Variants in DCP1A observed in about 807,000 individuals in gnomAD.
DCP1A encodes decapping mRNA 1A.
In DCP1A, 20 loss-of-function variants were observed where a neutral mutation model predicts 58.0. That is an observed-to-expected ratio of 0.34 (90% CI 0.24 to 0.50). The LOEUF is 0.50. Among genes scored for constraint, DCP1A ranks in the 20% least tolerant of loss-of-function variants. DCP1A has a pLI of 0.98. For missense variants in DCP1A, 613 were observed against 712.2 expected (o/e 0.86, Z 1.59); for synonymous variants, 285 against 275.1 (o/e 1.04, Z -0.36).
intron 6 of DCP1A, among the ~76,000 whole-genome samples, chr3:53,300,791 G>A (rs1169775693): frequency 6.6e-6 from 1 of 151,840 alleles, no homozygotes; most frequent in East Asian, 1.9e-4. Context: ...GTGATTACAG[G>A]CGTGCACCAC....
intron 8 of DCP1A, 173 bp downstream of exon 8, chr3:53,290,618 T>C (rs1706822419): frequency 1.5e-6 from 1 of 674,790 alleles, no homozygotes; most frequent in Non-Finnish European, 2.6e-6. Context: ...AAATAATGTG[T>C]TCTTCAGAAA....
chr3:53,320,126 T>TAAA (rs879969801), intron 3 of DCP1A, among the ~76,000 whole-genome samples: 16 of 139,110 alleles, frequency 1.2e-4, no homozygotes, highest in African/African-American at 4.2e-4. Flanking sequence ...AGACTCCATC[T>TAAA]AAAAAAAAAA....
intron 6 of DCP1A, among the ~76,000 whole-genome samples, chr3:53,302,885 AG>A (rs1206882304): frequency 3.3e-5 from 5 of 151,904 alleles, no homozygotes; most frequent in Non-Finnish European, 7.4e-5. Context: ...GGCCTCCTGA[AG>A]TGCTGGGATT....
chr3:53,296,114 ACTT>A (rs1400731292), intron 6 of DCP1A, among the ~76,000 whole-genome samples: 1 of 151,932 alleles, frequency 6.6e-6, no homozygotes, highest in Non-Finnish European at 1.5e-5. Flanking sequence ...CTGGTCTCAA[ACTT>A]CTTCTGACCT....
chr3:53,347,352 G>T, intron 1 of DCP1A, 31 bp downstream of exon 1: 1 of 1,530,000 alleles, frequency 6.5e-7, no homozygotes. Flanking sequence ...CAGCGGCCGG[G>T]TGGCCGTCCT....
rs540623691 is a variant in DCP1A at position 53,285,356 on chromosome 3, G to GC, written c.*2223dup. 7.9e-5 allele frequency: 12 copies of GC among 152,376 alleles called. No individual in the cohort carries two copies. Among genetic ancestry groups the GC allele is most frequent in the Non-Finnish European group, 1.3e-4 (9 of 68,052 alleles). The allele number at this position is 152,376 out of a possible 1,614,324, so 9.4% of individuals were successfully genotyped here. A position where few individuals can be genotyped will look rare whatever the true frequency, so the allele number is the denominator to read the frequency against. Reference sequence around the variant, plus strand: ...ACTTTCGGGCCAGGGTCATCCAGCTGCAATTATCCAGGCTTGGCCTGGCTT... The same window carrying GC: ...ACTTTCGGGCCAGGGTCATCCAGCTGCCAATTATCCAGGCTTGGCCTGGCTT... On this transcript the variant is annotated 3_prime_UTR_variant, in exon 10 of 10. Coordinates refer to ENST00000610213, the MANE Select transcript of DCP1A (RefSeq NM_018403.7).
At position 53,292,435 on chromosome 3, in the gene DCP1A, G is replaced by A. The variant is rs375123165; in HGVS notation, c.1017C>T (p.Ser339=). Residue 339 remains serine (S), a synonymous_variant, in exon 7 of 10, where the codon AGC becomes AGT. Coordinates refer to ENST00000610213, the MANE Select transcript of DCP1A (RefSeq NM_018403.7). Reference sequence around the variant, plus strand: ...TGGTCTTCACTGCCTGCATCATGGTGCTGTTTCGAGGTAAGCTGGGGGGAA... The same window carrying A: ...TGGTCTTCACTGCCTGCATCATGGTACTGTTTCGAGGTAAGCTGGGGGGAA... ...AQVPPSLPRN[S]TMMQAVKTTP... is the part of the protein sequence containing the mutation. The A allele has an allele frequency of 1.5e-5, 25 of 1,613,882 alleles. No individual in the cohort carries two copies. Among genetic ancestry groups the A allele is most frequent in the Non-Finnish European group, 2.0e-5 (24 of 1,179,898 alleles).
intron 4 of DCP1A, 84 bp from the exon 5 acceptor site, chr3:53,312,463 A>T (rs1236176561): frequency 6.2e-6 from 7 of 1,122,862 alleles, no homozygotes; most frequent in Non-Finnish European, 7.4e-6. Context: ...TCTTCCAAGG[A>T]TACACTAAGA....
At chr3:53,331,387 T>C (rs1329277412) in intron 3 of DCP1A, among the ~76,000 whole-genome samples, 1 of 152,216 alleles carries the variant, frequency 6.6e-6, no homozygotes, top group Non-Finnish European at 1.5e-5. Context: ...CTAACAGTGG[T>C]CTCTTAAGAT....
chr3:53,286,319 T>C lies in DCP1A; in HGVS notation c.*1261A>G, dbSNP rs1706631778. The C allele has an allele frequency of 6.6e-6, 1 of 152,232 alleles. No individual in the cohort carries two copies. The highest frequency in any genetic ancestry group is 2.4e-5 in the African/African-American group (1 of 41,466). The allele number at this position is 152,232 out of a possible 1,614,324, so 9.4% of individuals were successfully genotyped here. A position where few individuals can be genotyped will look rare whatever the true frequency, so the allele number is the denominator to read the frequency against. ...AAGTAAGCAGTGCATCTTAATTGGT[T>C]AAATACTACAAAATGACCTGTATCA... is the stretch of plus-strand genomic sequence containing the variant. On this transcript the variant is annotated 3_prime_UTR_variant, in exon 10 of 10. Coordinates refer to ENST00000610213, the MANE Select transcript of DCP1A (RefSeq NM_018403.7).
chr3:53,347,234 A>G, intron 1 of DCP1A, 149 bp downstream of exon 1: 2 of 947,902 alleles, frequency 2.1e-6, no homozygotes, highest in Non-Finnish European at 1.4e-6. Context: ...GACACCCCTC[A>G]GGCTCTGGCT....
intron 5 of DCP1A, among the ~76,000 whole-genome samples, chr3:53,305,351 TTTTC>T (rs1476273655): frequency 2.0e-5 from 3 of 152,098 alleles, no homozygotes; most frequent in African/African-American, 7.2e-5. Flanking sequence ...AAAAATTTTT[TTTTC>T]TTTTTTTTTT....
At chr3:53,297,357 CT>C (rs1174431632) in intron 6 of DCP1A, among the ~76,000 whole-genome samples, 804 of 138,040 alleles carry the variant, frequency 5.8e-3, no homozygotes, top group Non-Finnish European at 5.6e-3. Context: ...AACACTAATT[CT>C]TTTTTTTTTT....
At chr3:53,311,957 A>C (rs570882762) in intron 5 of DCP1A, among the ~76,000 whole-genome samples, 1 of 151,980 alleles carries the variant, frequency 6.6e-6, no homozygotes, top group East Asian at 1.9e-4. Context: ...CTGTTTTAAA[A>C]AAAAAAAAAG....
chr3:53,344,139 A>C (rs2089260971), intron 2 of DCP1A, among the ~76,000 whole-genome samples: 1 of 151,186 alleles, frequency 6.6e-6, no homozygotes, highest in Non-Finnish European at 1.5e-5. Flanking sequence ...GCAACTCAAT[A>C]CAAAAAAAAA....
intron 6 of DCP1A, among the ~76,000 whole-genome samples, chr3:53,300,028 C>T (rs539535557): frequency 4.4e-4 from 67 of 151,844 alleles, no homozygotes; most frequent in Admixed American, 1.7e-3. Context: ...CCATCACGCC[C>T]GGCTACTTTT....
intron 6 of DCP1A, 116 bp downstream of exon 6, chr3:53,304,061 T>C (rs905471928): frequency 8.5e-6 from 6 of 703,270 alleles, no homozygotes; most frequent in Non-Finnish European, 1.4e-5. Flanking sequence ...TGTCATTATG[T>C]TGCTGCACAT....
In DCP1A at chr3:53,289,529, T is replaced by G. The variant is rs1233304404; in HGVS notation, c.1450-1246A>C. 4.0e-5 allele frequency among the ~76,000 whole-genome samples: 6 copies of G among 151,596 alleles called. No homozygotes were observed. The East Asian group carries it at 1.2e-3, about 30-fold the overall frequency. ...TGGGACGCTGAAGCAGGAGAATCAT[T>G]TGAACCCAGAAGGTGGGGGTTGCAG... On this transcript the variant is annotated intron_variant, in intron 8 of 9. Coordinates refer to ENST00000610213, the MANE Select transcript of DCP1A (RefSeq NM_018403.7).
chr3:53,290,395 C>G (rs1456915355), intron 8 of DCP1A, among the ~76,000 whole-genome samples: 1 of 149,716 alleles, frequency 6.7e-6, no homozygotes, highest in African/African-American at 2.5e-5. Flanking sequence ...TTCACAAATA[C>G]CGAGTAAGGG....
Sources: allele counts gnomAD v4.1 joint callset (sites outside exome capture counted in the v4.1 genomes callset), GRCh38; gene constraint gnomAD v4.1.1; transcripts MANE v1.5; gene names NCBI Gene and HGNC (gene_info 2026-07-23, HGNC 2026-07-21).